DNAH17: variants seen among roughly 807,000 people sequenced by gnomAD.
The protein encoded by DNAH17 is dynein axonemal heavy chain 17, also known as axonemal beta dynein heavy chain 17.
A neutral mutation model predicts 485.6 loss-of-function variants in DNAH17; 376 were observed. The observed-to-expected ratio is 0.77, with a 90% CI of 0.71 to 0.84. The LOEUF (loss-of-function observed/expected upper bound fraction) is 0.84, where lower values mean the gene tolerates loss of function less well. DNAH17 is among the 40% of genes least tolerant of loss of function. The pLI is 0.00. For missense variants in DNAH17, 6,370 were observed against 5,839.3 expected (o/e 1.09, Z -2.96); for synonymous variants, 3,031 against 2,405.9 (o/e 1.26, Z -7.60).
intron 59 of DNAH17, 21 bp downstream of exon 59, chr17:78,460,140 CT>C: frequency 6.3e-7 from 1 of 1,590,602 alleles, no homozygotes; most frequent in Non-Finnish European, 8.6e-7. Flanking sequence ...CAGGGGTCCC[CT>C]TTCTTTCCCT....
Position 78,506,858 on chromosome 17 carries a change from G to A in DNAH17, c.4677-12C>T. Reference sequence around the variant, plus strand: ...CACAGATGGCCAAGCTGGGAGGAAGGAAGGAAGTAGAGGAGGCCGGTGACC... The same window carrying A: ...CACAGATGGCCAAGCTGGGAGGAAGAAAGGAAGTAGAGGAGGCCGGTGACC... On this transcript the variant is annotated splice_polypyrimidine_tract_variant and intron_variant, in intron 29 of 80. Transcript: ENST00000389840. 3.7e-6 allele frequency: 6 copies of A among 1,613,924 alleles called. No individual in the cohort carries two copies. Among genetic ancestry groups the A allele is most frequent in the Non-Finnish European group, 5.1e-6 (6 of 1,179,864 alleles).
chr17:78,562,802 C>A (rs557941861), intron 11 of DNAH17, among the ~76,000 whole-genome samples: 1 of 152,204 alleles, frequency 6.6e-6, no homozygotes, highest in Non-Finnish European at 1.5e-5. Context: ...AGAAAACCAC[C>A]ATCAGGAAAT....
chr17:78,569,466 A>AC lies in DNAH17; in HGVS notation c.1105dup (p.Val369GlyfsTer31). The AC allele has an allele frequency of 6.2e-7, 1 of 1,611,682 alleles. No individual in the cohort carries two copies. Among genetic ancestry groups the AC allele is most frequent in the Non-Finnish European group, 8.5e-7 (1 of 1,178,860 alleles). On this transcript the variant is annotated frameshift_variant, in exon 8 of 81. Coordinates refer to ENST00000389840, the MANE Select transcript of DNAH17 (RefSeq NM_173628.4). LOFTEE classifies it high-confidence loss of function. The stretch of plus-strand genomic sequence containing the variant: ...TACAGCCAGGGAGATGCCACTCAGG[A>AC]CTTCCTCGATTTCACCTTGCAGGCC...
intron 55 of DNAH17, among the ~76,000 whole-genome samples, chr17:78,467,719 T>C (rs2088543153): frequency 2.0e-5 from 3 of 152,120 alleles, no homozygotes; most frequent in Admixed American, 2.0e-4. Context: ...TAGGGGAGTT[T>C]AGCCTGCTTA....
At chr17:78,564,449 A>G (rs9914687) in intron 11 of DNAH17, among the ~76,000 whole-genome samples, 14,103 of 152,008 alleles carry the variant, frequency 0.093, 2,172 homozygotes, top group African/African-American at 0.32. Flanking sequence ...TGCAGGAGCC[A>G]CAGAAGCCAG....
At chr17:78,567,274 C>A in intron 9 of DNAH17, 108 bp from the exon 10 acceptor site, 1 of 1,169,498 alleles carries the variant, frequency 8.6e-7, no homozygotes, top group Non-Finnish European at 1.2e-6. Flanking sequence ...AGCAAAATGT[C>A]CCCAGGAGAC....
Position 78,476,434 on chromosome 17 carries a change from C to T in DNAH17, c.8154+138G>A, listed in dbSNP as rs1029684536. The T allele has an allele frequency of 2.0e-5, 21 of 1,028,750 alleles. No individual in the cohort carries two copies. In the South Asian group the frequency reaches 2.1e-4, roughly 11 times the overall value. The allele number at this position is 1,028,750 out of a possible 1,614,324, so 63.7% of individuals were successfully genotyped here. A position where few individuals can be genotyped will look rare whatever the true frequency, so the allele number is the denominator to read the frequency against. ...ATCCACAGCCACTTGCTGGAATGAT[C>T]GCGTGGAACCTAACACGGATCTTCC... On this transcript the variant is annotated intron_variant, in intron 52 of 80. Transcript: ENST00000389840.
Position 78,468,832 on chromosome 17 carries a change from C to A in DNAH17, c.8563G>T (p.Val2855Leu). The change falls in exon 55 of 81, where the codon GTG becomes TTG. Residue 2855 changes from valine (V) to leucine (L), a missense_variant. Coordinates refer to ENST00000389840, the MANE Select transcript of DNAH17 (RefSeq NM_173628.4). Reference sequence around the variant, plus strand: ...ACCTGGGAGTCTGTCATCAGGAACACCGAGGGAACGTTCTTCACGGCAGCC... The same window carrying A: ...ACCTGGGAGTCTGTCATCAGGAACAACGAGGGAACGTTCTTCACGGCAGCC... ...IKAAVKNVPS[V>L]FLMTDSQVAE... is the part of the protein sequence containing the mutation. The A allele has an allele frequency of 6.2e-7, 1 of 1,613,998 alleles. No homozygotes were observed. The highest frequency in any genetic ancestry group is 8.5e-7 in the Non-Finnish European group (1 of 1,179,896).
intron 48 of DNAH17, among the ~76,000 whole-genome samples, chr17:78,481,189 G>A (rs1194532687): frequency 1.4e-5 from 2 of 143,532 alleles, no homozygotes; most frequent in East Asian, 2.2e-4. Flanking sequence ...TGCAACCTCC[G>A]CCTCCTGGGT....
At chr17:78,432,838 G>C (rs899582944) in intron 75 of DNAH17, among the ~76,000 whole-genome samples, 46 of 151,204 alleles carry the variant, frequency 3.0e-4, no homozygotes, top group Non-Finnish European at 6.0e-4. Flanking sequence ...GAGGAAGCAG[G>C]CTTAGCGGTC....
rs376438892 is a variant in DNAH17 at position 78,495,076 on chromosome 17, G to A, written c.5925C>T (p.Pro1975=). The A allele has an allele frequency of 1.8e-5, 29 of 1,609,314 alleles. No homozygotes were observed. The highest frequency in any genetic ancestry group is 4.5e-5 in the East Asian group (2 of 44,744). The change falls in exon 39 of 81, where the codon CCC becomes CCT. Residue 1975 remains proline, a synonymous_variant. Coordinates refer to ENST00000389840, the MANE Select transcript of DNAH17 (RefSeq NM_173628.4). ...TGATCTCACATATCAGTTCGAAGTC[G>A]GGGACGACCATGGCACAGGGCCTGG... ...ALFRPCAMVV[P]DFELICEIML...
intron 64 of DNAH17, 119 bp from the exon 65 acceptor site, chr17:78,453,584 A>G: frequency 1.5e-6 from 2 of 1,328,770 alleles, no homozygotes; most frequent in Non-Finnish European, 1.0e-6. Flanking sequence ...GGGGTGACCT[A>G]GGAGCCCACA....
chr17:78,431,812 G>A (rs923847164), intron 75 of DNAH17, among the ~76,000 whole-genome samples: 3 of 152,114 alleles, frequency 2.0e-5, no homozygotes, highest in African/African-American at 4.8e-5. Flanking sequence ...GTACTCGCGC[G>A]GCTTCTCAGC....
intron 74 of DNAH17, among the ~76,000 whole-genome samples, chr17:78,435,461 T>C (rs1173460748): frequency 2.6e-5 from 4 of 152,072 alleles, no homozygotes; most frequent in African/African-American, 4.8e-5. Context: ...AGGTCTCAGC[T>C]GTCACTCCCT....
Position 78,572,791 on chromosome 17 carries a change from A to C in DNAH17, c.449T>G (p.Phe150Cys), listed in dbSNP as rs368125005. ...KQVHRLKNEM[F>C]VMSGKIKGKT... is the part of the protein sequence containing the mutation. Reference sequence around the variant, plus strand: ...GCCTTTGATCTTGCCACTCATCACAAACATTTCATTCTTCAGCCTGTGGAC... The same window carrying C: ...GCCTTTGATCTTGCCACTCATCACACACATTTCATTCTTCAGCCTGTGGAC... Residue 150 changes from phenylalanine to cysteine, a missense_variant, in exon 3 of 81, where the codon TTT becomes TGT. By Grantham distance (205) the Phe-to-Cys change is radical. Transcript: ENST00000389840. 2 of 1,613,722 alleles carry C rather than the reference A, an allele frequency of 1.2e-6. No homozygotes were observed. Among genetic ancestry groups the C allele is most frequent in the African/African-American group, 2.7e-5 (2 of 74,894 alleles).
intron 62 of DNAH17, among the ~76,000 whole-genome samples, chr17:78,457,674 T>TTTTTTTTTTTTG (rs2087874592): frequency 6.7e-6 from 1 of 149,618 alleles, no homozygotes; most frequent in Non-Finnish European, 1.5e-5. Context: ...TTTTTTTTTT[T>TTTTTTTTTTTTG]TTTTTTAGAC....
chr17:78,440,244 CTTTTTTTTTTTTTTTT>C (rs71160296), intron 72 of DNAH17, among the ~76,000 whole-genome samples: 1 of 40,308 alleles, frequency 2.5e-5, no homozygotes, highest in South Asian at 1.3e-3. Context: ...CGACTTCATG[CTTTTTTTTTTTTTTTT>C]TTTTTTTTTT....
chr17:78,522,667 C>CT (rs796690559), intron 25 of DNAH17: 22 of 211,870 alleles, frequency 1.0e-4, no homozygotes, highest in African/African-American at 5.0e-4. Context: ...TTCCTGAATG[C>CT]TGAGCATGCA....
chr17:78,480,576 T>C, intron 49 of DNAH17, 108 bp downstream of exon 49: 1 of 851,024 alleles, frequency 1.2e-6, no homozygotes. Context: ...CTCCAGAAAA[T>C]GTCGGCCTGC....
Sources: gnomAD v4.1 joint callset for allele counts (sites outside exome capture counted in the v4.1 genomes callset) on GRCh38, gnomAD v4.1.1 for gene constraint, MANE v1.5 for transcripts, NCBI Gene and HGNC (gene_info 2026-07-23, HGNC 2026-07-21) for gene names.